Variants in WFDC1 observed in about 807,000 individuals in gnomAD.
WFDC1 encodes WAP four-disulfide core domain 1, also known as WAP four-disulfide core domain protein 1.
A neutral mutation model predicts 32.9 loss-of-function variants in WFDC1; 39 were observed. That is an observed-to-expected ratio of 1.19 (90% CI 0.92 to 1.55). WFDC1 has a LOEUF of 1.55. Among genes scored for constraint, WFDC1 ranks in the 40% most tolerant of loss-of-function variants. The pLI is 0.00. For missense variants in WFDC1, 386 were observed against 309.5 expected, an observed-to-expected ratio of 1.25 and a Z score of -1.85; for synonymous variants, 184 against 137.4, an observed-to-expected ratio of 1.34 and a Z score of -2.37.
intron 5 of WFDC1, among the ~76,000 whole-genome samples, chr16:84,324,670 C>G (rs1908485261): frequency 6.6e-6 from 1 of 152,202 alleles, no homozygotes; most frequent in Admixed American, 6.5e-5. Flanking sequence ...TGACCTCATG[C>G]TGAAGAGCAG....
At chr16:84,316,101 G>A (rs1812412841) in intron 2 of WFDC1, 1 of 152,252 alleles carries the variant, frequency 6.6e-6, no homozygotes, top group African/African-American at 2.4e-5. Context: ...ACCTGAAAAT[G>A]TTTCCTAACA....
chr16:84,313,785 C>G (rs1299535624), intron 2 of WFDC1, among the ~76,000 whole-genome samples: 2 of 152,228 alleles, frequency 1.3e-5, no homozygotes, highest in Non-Finnish European at 2.9e-5. Context: ...CCAGCTGTCA[C>G]TTTCTTGAGT....
At chr16:84,320,062 GA>G (rs1268619011) in intron 4 of WFDC1, among the ~76,000 whole-genome samples, 1 of 152,190 alleles carries the variant, frequency 6.6e-6, no homozygotes, top group African/African-American at 2.4e-5. Flanking sequence ...CGCTGGTGCA[GA>G]AGCAACATGC....
chr16:84,319,680 C>G, intron 4 of WFDC1, 109 bp downstream of exon 4: 7 of 1,415,576 alleles, frequency 4.9e-6, no homozygotes, highest in Non-Finnish European at 5.7e-6. Context: ...GCCCCAGCAC[C>G]TGGGCCTGAC....
Position 84,329,764 on chromosome 16 carries a change from G to A in WFDC1, c.*458G>A, listed in dbSNP as rs972534961. 2 of 152,212 alleles carry A rather than the reference G, an allele frequency of 1.3e-5. No homozygotes were observed. Among genetic ancestry groups the A allele is most frequent in the Admixed American group, 6.5e-5 (1 of 15,284 alleles). The allele number at this position is 152,212 out of a possible 1,614,324, so 9.4% of individuals were successfully genotyped here. ...CTTGCTTACTAATGTGTGATTCCTAGTTGTAGCCACCGGATGTGCTGAGGC... is the reference window on the plus strand; with the variant it reads ...CTTGCTTACTAATGTGTGATTCCTAATTGTAGCCACCGGATGTGCTGAGGC... On this transcript the variant is annotated 3_prime_UTR_variant, in exon 7 of 7. Coordinates refer to ENST00000219454, the MANE Select transcript of WFDC1 (RefSeq NM_021197.4).
intron 1 of WFDC1, among the ~76,000 whole-genome samples, chr16:84,301,354 G>C (rs1304130160): frequency 1.3e-5 from 2 of 152,228 alleles, no homozygotes; most frequent in East Asian, 3.9e-4. Flanking sequence ...CCGGCAACGA[G>C]ACATTTCACA....
intron 1 of WFDC1, among the ~76,000 whole-genome samples, chr16:84,306,454 A>G (rs1280698814): frequency 6.6e-6 from 1 of 152,212 alleles, no homozygotes; most frequent in Non-Finnish European, 1.5e-5. Context: ...AGGAGCAGCG[A>G]ATCCTCAGAA....
intron 1 of WFDC1, among the ~76,000 whole-genome samples, chr16:84,306,366 G>A (rs1907258638): frequency 6.6e-6 from 1 of 152,182 alleles, no homozygotes; most frequent in Non-Finnish European, 1.5e-5. Flanking sequence ...CCCAAAGGAT[G>A]TGGAGGTTCA....
intron 1 of WFDC1, among the ~76,000 whole-genome samples, chr16:84,310,388 A>C (rs1353978804): frequency 6.6e-6 from 1 of 152,158 alleles, no homozygotes; most frequent in African/African-American, 2.4e-5. Context: ...CACTGTCATC[A>C]AAGCAGCTTC....
chr16:84,296,101 C>T (rs912552727), intron 1 of WFDC1, among the ~76,000 whole-genome samples: 1 of 152,148 alleles, frequency 6.6e-6, no homozygotes, highest in Admixed American at 6.5e-5. Flanking sequence ...CCCCAGAGAT[C>T]ACAGATCCGC....
rs1908088988 is a variant in WFDC1 at position 84,318,384 on chromosome 16, C to T, written c.421+29C>T. The stretch of plus-strand genomic sequence containing the variant: ...CCTGCCGGGTAAAGCCCAGACCCTA[C>T]ATCCAAGCCTCGATCCCTCCTTCTC... On this transcript the variant is annotated intron_variant, in intron 3 of 6. Transcript: ENST00000219454. The T allele has an allele frequency of 1.9e-6, 3 of 1,608,562 alleles. No homozygotes were observed. In the Admixed American group the frequency reaches 5.0e-5, roughly 27 times the overall value.
At chr16:84,299,389 A>G (rs998925964) in intron 1 of WFDC1, among the ~76,000 whole-genome samples, 1 of 151,934 alleles carries the variant, frequency 6.6e-6, no homozygotes, top group Non-Finnish European at 1.5e-5. Context: ...CAAAAAGCAA[A>G]AAAAAAAAAC....
At chr16:84,309,696 G>A (rs958335644) in intron 1 of WFDC1, among the ~76,000 whole-genome samples, 15 of 151,986 alleles carry the variant, frequency 9.9e-5, no homozygotes, top group African/African-American at 3.4e-4. Context: ...GCAGAGCCGC[G>A]CCCCCCCAAC....
intron 4 of WFDC1, among the ~76,000 whole-genome samples, chr16:84,323,806 G>A (rs1186959075): frequency 6.6e-6 from 1 of 152,200 alleles, no homozygotes; most frequent in Non-Finnish European, 1.5e-5. Flanking sequence ...GTTGAAATTT[G>A]GCTTCCAGTT....
Position 84,313,110 on chromosome 16 carries a change from C to G in WFDC1, c.294C>G (p.Asn98Lys). ...ECPRHRRCCY[N>K]GCAYACLEAV... ...CGCGGCACCGGCGCTGCTGCTACAA[C>G]GGATGCGCCTACGCCTGCCTAGAAG... The change falls in exon 2 of 7, where the codon AAC becomes AAG. Residue 98 changes from asparagine (N) to lysine (K), a missense_variant. Asn to Lys is a moderately conservative substitution (Grantham distance 94). Coordinates refer to ENST00000219454, the MANE Select transcript of WFDC1 (RefSeq NM_021197.4). 7.6e-6 allele frequency: 11 copies of G among 1,441,722 alleles called. No individual in the cohort carries two copies. The highest frequency in any genetic ancestry group is 1.0e-5 in the Non-Finnish European group (11 of 1,104,732). The allele number at this position is 1,441,722 out of a possible 1,614,324, so 89.3% of individuals were successfully genotyped here.
chr16:84,326,820 A>G (rs1353752661), intron 5 of WFDC1, 62 bp from the exon 6 acceptor site: 7 of 1,595,512 alleles, frequency 4.4e-6, no homozygotes, highest in South Asian at 1.1e-5. Flanking sequence ...CTGGTGAGCC[A>G]CGGGGGGCAT....
intron 1 of WFDC1, 150 bp downstream of exon 1, chr16:84,295,265 G>A: frequency 9.5e-7 from 1 of 1,050,016 alleles, no homozygotes; most frequent in Non-Finnish European, 1.3e-6. Flanking sequence ...TGTCTGAGTT[G>A]TGTGGTGGGC....
Position 84,326,903 on chromosome 16 carries a change from C to G in WFDC1, c.626C>G (p.Ala209Gly), listed in dbSNP as rs143905770. Residue 209 changes from alanine to glycine, a missense_variant, in exon 6 of 7, where the codon GCA becomes GGA. Ala to Gly is a moderately conservative substitution (Grantham distance 60, BLOSUM62 0). Transcript: ENST00000219454. ...ACAGAAGGTGACTCAAAGAATGTGGCAGAACCTGGAAGGGGACAACAGAAG... is the reference window on the plus strand; with the variant it reads ...ACAGAAGGTGACTCAAAGAATGTGGGAGAACCTGGAAGGGGACAACAGAAG... ...EYPEGDSKNV[A>G]EPGRGQQKHF... 1 of 1,613,926 alleles carries G rather than the reference C, an allele frequency of 6.2e-7. No homozygotes were observed. The highest frequency in any genetic ancestry group is 8.5e-7 in the Non-Finnish European group (1 of 1,180,026).
chr16:84,302,739 G>A (rs57456747), intron 1 of WFDC1, among the ~76,000 whole-genome samples: 6,208 of 152,238 alleles, frequency 0.041, 378 homozygotes, highest in African/African-American at 0.14. Flanking sequence ...TCTGTGTGCT[G>A]TTGTGTGTGG....
Sources: gnomAD v4.1 joint callset for allele counts (sites outside exome capture counted in the v4.1 genomes callset) on GRCh38, gnomAD v4.1.1 for gene constraint, MANE v1.5 for transcripts, NCBI Gene and HGNC (gene_info 2026-07-23, HGNC 2026-07-21) for gene names.